The following KHDRBS2 variants were observed in gnomAD, a reference collection of about 807,000 sequenced individuals.
KHDRBS2 encodes the protein KH RNA binding domain containing, signal transduction associated 2, also known as KH domain-containing, RNA-binding, signal transduction-associated protein 2.
Under a neutral mutation model 44.3 loss-of-function variants are expected in KHDRBS2, and 26 were observed. The observed-to-expected ratio is 0.59, with a 90% CI of 0.43 to 0.81. KHDRBS2 has a LOEUF of 0.81. KHDRBS2 is among the 40% of genes least tolerant of loss of function. KHDRBS2 has a pLI of 0.00. For missense variants in KHDRBS2, 476 were observed against 433.1 expected (o/e 1.10, Z -0.88); for synonymous variants, 194 against 151.1 (o/e 1.28, Z -2.08).
intron 6 of KHDRBS2, among the ~76,000 whole-genome samples, chr6:61,857,625 A>G (rs992956557): frequency 1.3e-5 from 2 of 152,152 alleles, no homozygotes; most frequent in African/African-American, 4.8e-5. Context: ...AAGCCATGTT[A>G]GCAACATACG....
chr6:61,593,674 T>C, the KHDRBS2 span, among the ~76,000 whole-genome samples: 1 of 152,122 alleles, frequency 6.6e-6, no homozygotes, highest in Non-Finnish European at 1.5e-5. Flanking sequence ...TACGGAACTT[T>C]TTCATAAGGA....
At chr6:61,947,314 T>C (rs1813578175) in intron 4 of KHDRBS2, among the ~76,000 whole-genome samples, 1 of 152,074 alleles carries the variant, frequency 6.6e-6, no homozygotes, top group Non-Finnish European at 1.5e-5. Context: ...CACAAGATGA[T>C]CCAATTTCAC....
the KHDRBS2 span, among the ~76,000 whole-genome samples, chr6:61,596,910 A>G: frequency 3.3e-5 from 5 of 152,126 alleles, no homozygotes; most frequent in Non-Finnish European, 5.9e-5. Flanking sequence ...TCAACCTCCC[A>G]AAGTGCTGGA....
chr6:62,140,445 G>A (rs766088820), intron 2 of KHDRBS2, among the ~76,000 whole-genome samples: 7 of 152,152 alleles, frequency 4.6e-5, no homozygotes, highest in Non-Finnish European at 7.4e-5. Context: ...GGAGACTTTT[G>A]TAGTGAACAT....
chr6:62,211,368 A>G (rs1829013569), intron 1 of KHDRBS2, among the ~76,000 whole-genome samples: 1 of 152,228 alleles, frequency 6.6e-6, no homozygotes, highest in South Asian at 2.1e-4. Flanking sequence ...ATAAATTAAC[A>G]ATCTTTTGGA....
chr6:62,228,988 C>T (rs1056526491), intron 1 of KHDRBS2, among the ~76,000 whole-genome samples: 1 of 152,104 alleles, frequency 6.6e-6, no homozygotes. Flanking sequence ...TTGGGTGGCA[C>T]GAGGAGCAGG....
Position 62,075,895 on chromosome 6 carries a change from A to ATCTCTCTCTC in KHDRBS2, c.220-27911_220-27902dup, listed in dbSNP as rs3884304. ...GGCCTGGCAATCCCTATCTCTCCCT[A>ATCTCTCTCTC]TCTCTCTCTCTCTCTCTCTTCTATT... On this transcript the variant is annotated intron_variant, in intron 2 of 8. Transcript: ENST00000281156. 9.4e-4 allele frequency among the ~76,000 whole-genome samples: 139 copies of ATCTCTCTCTC among 147,976 alleles called. 1 individual carries two copies. Among genetic ancestry groups the ATCTCTCTCTC allele is most frequent in the African/African-American group, 3.2e-3 (130 of 40,342 alleles).
intron 1 of KHDRBS2, among the ~76,000 whole-genome samples, chr6:62,269,774 C>T (rs1214758767): frequency 2.0e-5 from 3 of 152,078 alleles, no homozygotes; most frequent in African/African-American, 4.8e-5. Flanking sequence ...AAATCCTGTA[C>T]ATGAACTTTT....
chr6:61,671,768 G>T, the KHDRBS2 span, among the ~76,000 whole-genome samples: 3 of 151,450 alleles, frequency 2.0e-5, no homozygotes, highest in South Asian at 6.3e-4. Context: ...TCTTCACTTG[G>T]GTTCTTAACA....
At chr6:61,793,720 C>T (rs1377955968) in intron 6 of KHDRBS2, among the ~76,000 whole-genome samples, 9 of 152,000 alleles carry the variant, frequency 5.9e-5, no homozygotes, top group African/African-American at 1.9e-4. Flanking sequence ...GAAATATAAA[C>T]CTGCTTTGCA....
chr6:62,107,028 G>T (rs1277912252), intron 2 of KHDRBS2, among the ~76,000 whole-genome samples: 1 of 152,012 alleles, frequency 6.6e-6, no homozygotes, highest in Admixed American at 6.6e-5. Context: ...TTTGAAAACT[G>T]GCACAAGACA....
At chr6:62,225,863 G>T (rs1024371025) in intron 1 of KHDRBS2, among the ~76,000 whole-genome samples, 3 of 152,174 alleles carry the variant, frequency 2.0e-5, no homozygotes, top group African/African-American at 7.2e-5. Context: ...CAAAAACCAT[G>T]ATCTCATTGC....
chr6:61,885,981 T>C (rs1366663112), intron 6 of KHDRBS2, among the ~76,000 whole-genome samples: 2 of 152,098 alleles, frequency 1.3e-5, no homozygotes, highest in Admixed American at 6.6e-5. Context: ...TCAAACCCTA[T>C]TGTTTTTACC....
At chr6:61,557,466 A>G in the KHDRBS2 span, among the ~76,000 whole-genome samples, 11 of 152,318 alleles carry the variant, frequency 7.2e-5, no homozygotes, top group Admixed American at 1.3e-4. Flanking sequence ...CTCCATTGTG[A>G]ATGGTAGGAC....
At position 62,247,702 on chromosome 6, in the gene KHDRBS2, C is replaced by G. The variant is rs1052658634; in HGVS notation, c.91+38156G>C. 5.9e-4 allele frequency among the ~76,000 whole-genome samples: 89 copies of G among 151,996 alleles called. 1 individual carries two copies. The highest frequency in any genetic ancestry group is 1.3e-4 in the Admixed American group (2 of 15,240). The stretch of plus-strand genomic sequence containing the variant: ...GATGGCTCCTACTTCCCGGAGCAAT[C>G]ATCGCTATGAAGAGATAAAACCTAT... On this transcript the variant is annotated intron_variant, in intron 1 of 8. Transcript: ENST00000281156.
chr6:61,696,438 T>G (rs1767913649), intron 8 of KHDRBS2, among the ~76,000 whole-genome samples: 1 of 151,762 alleles, frequency 6.6e-6, no homozygotes, highest in Admixed American at 6.6e-5. Context: ...TTTGTATTTT[T>G]GGTAGAGACG....
intron 2 of KHDRBS2, among the ~76,000 whole-genome samples, chr6:62,072,886 T>C (rs1356247454): frequency 2.0e-5 from 3 of 151,954 alleles, no homozygotes; most frequent in African/African-American, 4.8e-5. Context: ...CCCTCTTTTT[T>C]TATTGATTGG....
At chr6:62,060,467 G>A (rs1395950012) in intron 2 of KHDRBS2, among the ~76,000 whole-genome samples, 3 of 151,702 alleles carry the variant, frequency 2.0e-5, no homozygotes, top group Non-Finnish European at 4.4e-5. Flanking sequence ...TAGAGTTTGA[G>A]AAAAAGTGAA....
intron 6 of KHDRBS2, among the ~76,000 whole-genome samples, chr6:61,769,312 G>GTA (rs1780473661): frequency 1.3e-5 from 2 of 152,106 alleles, no homozygotes; most frequent in Admixed American, 6.5e-5. Context: ...CAGACAGTAG[G>GTA]TACAGGACAG....
Sources: gnomAD v4.1 joint callset for allele counts (sites outside exome capture counted in the v4.1 genomes callset) on GRCh38, gnomAD v4.1.1 for gene constraint, MANE v1.5 for transcripts, NCBI Gene and HGNC (gene_info 2026-07-23, HGNC 2026-07-21) for gene names.